Variants in DACH2 observed in about 807,000 individuals in gnomAD.
DACH2 encodes the protein dachshund homolog 2.
In DACH2, 17 loss-of-function variants were observed where a neutral mutation model predicts 35.8. The ratio of observed to expected loss-of-function variants is 0.48; its 90% CI spans 0.33 to 0.71. DACH2 has a LOEUF of 0.71. Among genes scored for constraint, DACH2 ranks in the 30% least tolerant of loss-of-function variants. The pLI is 0.02. For missense variants in DACH2, 469 were observed against 472.7 expected, an observed-to-expected ratio of 0.99 and a Z score of 0.07; for synonymous variants, 195 against 177.3, an observed-to-expected ratio of 1.10 and a Z score of -0.79.
chrX:86,406,532 A>C (rs2036530390), intron 2 of DACH2, among the ~76,000 whole-genome samples: 1 of 112,120 alleles, frequency 8.9e-6, no homozygotes, highest in African/African-American at 3.2e-5. Context: ...CTGAATCTAA[A>C]ATGAAAGTTG....
Position 86,370,358 on chromosome X carries a change from A to G in DACH2, c.489-6466A>G, listed in dbSNP as rs138632251. Among the ~76,000 whole-genome samples the G allele has an allele frequency of 6.2e-3, 692 of 111,665 alleles. 8 individuals carry two copies. The highest frequency in any genetic ancestry group is 0.022 in the African/African-American group (670 of 30,789). On this transcript the variant is annotated intron_variant, in intron 1 of 11. Transcript: ENST00000373125. ...GCTGATAAAGCAGTAATTGTGTCCA[A>G]CGTTTTAAGGGCTGCAGAGTATATC...
intron 2 of DACH2, among the ~76,000 whole-genome samples, chrX:86,417,606 C>A (rs1312919908): frequency 2.7e-5 from 3 of 111,100 alleles, no homozygotes; most frequent in African/African-American, 3.3e-5. Flanking sequence ...AAAGACCCAC[C>A]CCCATAATTC....
chrX:86,681,143 C>A (rs2040877066), intron 4 of DACH2, among the ~76,000 whole-genome samples: 1 of 111,438 alleles, frequency 9.0e-6, no homozygotes, highest in South Asian at 3.8e-4. Context: ...ATATGGTAAG[C>A]ATTTCATATT....
At chrX:86,408,389 C>A (rs1399801435) in intron 2 of DACH2, among the ~76,000 whole-genome samples, 1 of 111,223 alleles carries the variant, frequency 9.0e-6, no homozygotes, top group African/African-American at 3.3e-5. Flanking sequence ...AGATTTTTTG[C>A]CAGTGGTATG....
chrX:86,379,393 A>G (rs2036013761), intron 2 of DACH2, among the ~76,000 whole-genome samples: 1 of 110,025 alleles, frequency 9.1e-6, no homozygotes, highest in Non-Finnish European at 1.9e-5. Flanking sequence ...ACATAATCCC[A>G]CTGTGCTACA....
At chrX:86,638,756 G>T (rs1014703169) in intron 3 of DACH2, among the ~76,000 whole-genome samples, 1 of 111,556 alleles carries the variant, frequency 9.0e-6, no homozygotes, top group African/African-American at 3.3e-5. Flanking sequence ...AGGAAAAAAA[G>T]ATAACAAATG....
chrX:86,540,122 A>G (rs1325675342), intron 3 of DACH2, among the ~76,000 whole-genome samples: 2 of 112,159 alleles, frequency 1.8e-5, no homozygotes, highest in Admixed American at 9.5e-5. Flanking sequence ...CTATGTTTGA[A>G]TGTAATATTA....
chrX:86,222,045 C>T (rs1054013121), intron 1 of DACH2, among the ~76,000 whole-genome samples: 2 of 111,992 alleles, frequency 1.8e-5, no homozygotes, highest in Admixed American at 1.9e-4. Flanking sequence ...TTTTGCTTAA[C>T]CTTAGTTACC....
intron 7 of DACH2, among the ~76,000 whole-genome samples, chrX:86,769,112 G>A (rs182689913): frequency 3.3e-4 from 37 of 110,516 alleles, no homozygotes; most frequent in Admixed American, 2.1e-3. Context: ...AAAATCCAAC[G>A]TCCCTTCATT....
chrX:86,371,850 A>G (rs770930711), intron 1 of DACH2, among the ~76,000 whole-genome samples: 1 of 111,493 alleles, frequency 9.0e-6, no homozygotes, highest in East Asian at 2.8e-4. Flanking sequence ...TTTATCTCCT[A>G]CTGATGATGT....
intron 7 of DACH2, among the ~76,000 whole-genome samples, chrX:86,782,077 A>T (rs182463807): frequency 3.7e-4 from 42 of 112,187 alleles, no homozygotes; most frequent in African/African-American, 1.4e-3. Flanking sequence ...AAGATATCTC[A>T]TTATCAATAT....
chrX:86,657,670 G>A (rs1203412805), intron 4 of DACH2, among the ~76,000 whole-genome samples: 1 of 111,144 alleles, frequency 9.0e-6, no homozygotes, highest in Non-Finnish European at 1.9e-5. Context: ...TTTTCACAAG[G>A]TTTGTGTAGC....
At chrX:86,167,445 C>A (rs1230246869) in intron 1 of DACH2, among the ~76,000 whole-genome samples, 1 of 110,414 alleles carries the variant, frequency 9.1e-6, no homozygotes, top group Non-Finnish European at 1.9e-5. Context: ...GATTTTCTCT[C>A]TTTTTTTCTT....
At chrX:86,452,748 T>C (rs1269068445) in intron 2 of DACH2, among the ~76,000 whole-genome samples, 1 of 111,334 alleles carries the variant, frequency 9.0e-6, no homozygotes, top group Non-Finnish European at 1.9e-5. Flanking sequence ...ATCTATTTTA[T>C]TAATTTTTTA....
intron 1 of DACH2, among the ~76,000 whole-genome samples, chrX:86,217,672 A>C (rs1467621944): frequency 8.9e-6 from 1 of 111,857 alleles, no homozygotes; most frequent in Non-Finnish European, 1.9e-5. Flanking sequence ...GGACAGAGAA[A>C]GAATTAAAAC....
intron 3 of DACH2, among the ~76,000 whole-genome samples, chrX:86,610,636 C>T (rs1024740664): frequency 2.8e-5 from 3 of 108,951 alleles, no homozygotes; most frequent in African/African-American, 6.7e-5. Flanking sequence ...TTTGTAGAAA[C>T]GGAGTTTCAC....
In DACH2 at chrX:86,814,812, C is replaced by T. The variant is rs2042429999; in HGVS notation, c.1662C>T (p.Asp554=). The T allele has an allele frequency of 8.3e-7, 1 of 1,209,672 alleles. No individual in the cohort carries two copies. Among genetic ancestry groups the T allele is most frequent in the Non-Finnish European group, 1.1e-6 (1 of 894,474 alleles). Residue 554 remains aspartate, a synonymous_variant, in exon 10 of 12, where the codon GAC becomes GAT. Transcript: ENST00000373125. ...CACTTAAGCAAGCCACCACTAGTGA[C>T]AGTGGCCTGAGGATGTTAAAAGGTA... is the stretch of plus-strand genomic sequence containing the variant. ...EQALKQATTS[D]SGLRMLKDTG...
In DACH2 at chrX:86,315,830, C is replaced by CAG. The variant is rs1295660848; in HGVS notation, c.489-60993_489-60992insGA. 6.8e-4 allele frequency among the ~76,000 whole-genome samples: 62 copies of CAG among 90,874 alleles called. 1 individual carries two copies. Among genetic ancestry groups the CAG allele is most frequent in the African/African-American group, 2.9e-3 (53 of 18,516 alleles). 78.9% of individuals were successfully genotyped at this position (90,874 alleles called of 115,157 possible). A position where few individuals can be genotyped will look rare whatever the true frequency, so the allele number is the denominator to read the frequency against. On this transcript the variant is annotated intron_variant, in intron 1 of 11. Transcript: ENST00000373125. ...ACACACACACACACACACACACACA[C>CAG]ACACACACACAGAGAGAGAGAGGGA...
chrX:86,777,030 T>G (rs1201231141), intron 7 of DACH2, among the ~76,000 whole-genome samples: 1 of 111,835 alleles, frequency 8.9e-6, no homozygotes, highest in African/African-American at 3.3e-5. Flanking sequence ...CTATTGTGAA[T>G]AGTGCTGCAG....
Sources: gnomAD v4.1 joint callset for allele counts (sites outside exome capture counted in the v4.1 genomes callset) on GRCh38, gnomAD v4.1.1 for gene constraint, MANE v1.5 for transcripts, NCBI Gene and HGNC (gene_info 2026-07-23, HGNC 2026-07-21) for gene names.